RNF24: variants seen among roughly 807,000 people sequenced by gnomAD.
RNF24 encodes ring finger protein 24.
RNF24 carries 14 observed loss-of-function variants against 20.0 expected under a neutral mutation model. The ratio of observed to expected loss-of-function variants is 0.70; its 90% confidence interval spans 0.46 to 1.10. The LOEUF is 1.10. Among genes scored for constraint, RNF24 ranks in the 50% least tolerant of loss-of-function variants. The probability of loss-of-function intolerance (pLI) is 0.00; values close to 1 mark genes in which losing one functional copy is unlikely to be tolerated. For synonymous variants in RNF24, 45 were observed against 61.1 expected (o/e 0.74, Z 1.23); for missense variants, 124 against 177.6 (o/e 0.70, Z 1.71).
chr20:3,997,560 C>G (rs966653901), intron 1 of RNF24, among the ~76,000 whole-genome samples: 1 of 151,812 alleles, frequency 6.6e-6, no homozygotes, highest in Non-Finnish European at 1.5e-5. Flanking sequence ...CAGAGTAGCT[C>G]GAACCACAGA....
intron 1 of RNF24, among the ~76,000 whole-genome samples, chr20:3,984,865 G>T (rs747700031): frequency 6.6e-5 from 10 of 151,718 alleles, no homozygotes; most frequent in Non-Finnish European, 1.3e-4. Context: ...AAACTGACAA[G>T]TAGGTATTTG....
chr20:3,928,243 A>AT lies in RNF24; in HGVS notation c.*5819dup, dbSNP rs988103537. The AT allele has an allele frequency of 1.3e-5, 2 of 152,084 alleles. No individual in the cohort carries two copies. Among genetic ancestry groups the AT allele is most frequent in the African/African-American group, 2.4e-5 (1 of 41,336 alleles). 9.4% of individuals were successfully genotyped at this position (152,084 alleles called of 1,614,324 possible). ...GCCAGAAGAGTGGATGTGATAGAGA[A>AT]TTTTTTCTCAAGTTTTGGGTTAGGG... is the stretch of plus-strand genomic sequence containing the variant. On this transcript the variant is annotated 3_prime_UTR_variant, in exon 6 of 6. Coordinates refer to ENST00000358395, the MANE Select transcript of RNF24 (RefSeq NM_001134337.3).
chr20:4,009,092 G>C (rs1568673684), intron 1 of RNF24, among the ~76,000 whole-genome samples: 1 of 152,204 alleles, frequency 6.6e-6, no homozygotes, highest in African/African-American at 2.4e-5. Flanking sequence ...CTAGGGGACA[G>C]AGTGGTAAAC....
chr20:3,997,398 T>C (rs1167346862), intron 1 of RNF24, among the ~76,000 whole-genome samples: 1 of 152,088 alleles, frequency 6.6e-6, no homozygotes, highest in Non-Finnish European at 1.5e-5. Flanking sequence ...TAACAGATCA[T>C]GGATTCTAAT....
At chr20:3,940,661 A>G (rs1001513681) in intron 4 of RNF24, among the ~76,000 whole-genome samples, 3 of 152,174 alleles carry the variant, frequency 2.0e-5, no homozygotes, top group Non-Finnish European at 2.9e-5. Flanking sequence ...CTAAAGAAAA[A>G]GAAAAAAATC....
At chr20:3,939,711 T>C (rs2090932827) in intron 4 of RNF24, among the ~76,000 whole-genome samples, 1 of 152,216 alleles carries the variant, frequency 6.6e-6, no homozygotes, top group African/African-American at 2.4e-5. Flanking sequence ...AATTTCAGAA[T>C]TCATCTGCTT....
rs548795641 is a variant in RNF24 at position 4,008,370 on chromosome 20, T to TAA, written c.-8+7066_-8+7067insTT. ...ACATGTAATATGTATAATATATATA[T>TAA]TATATATATAATATATATATTATAT... On this transcript the variant is annotated intron_variant, in intron 1 of 5. Transcript: ENST00000358395. Among the ~76,000 whole-genome samples, 113 of 35,258 alleles carry TAA rather than the reference T, an allele frequency of 3.2e-3. 1 individual carries two copies. The highest frequency in any genetic ancestry group is 0.014 in the African/African-American group (108 of 7,632). The allele number at this position is 35,258 out of a possible 152,430, so 23.1% of individuals were successfully genotyped here.
intron 1 of RNF24, among the ~76,000 whole-genome samples, chr20:3,992,349 TG>T (rs1321429973): frequency 1.3e-5 from 2 of 152,214 alleles, no homozygotes; most frequent in Non-Finnish European, 2.9e-5. Flanking sequence ...AATTACAATC[TG>T]GTTGAAACCA....
intron 2 of RNF24, among the ~76,000 whole-genome samples, chr20:3,958,493 T>C (rs2253977): frequency 0.7 from 106,432 of 152,106 alleles, 37,415 homozygotes; most frequent in South Asian, 0.81. Flanking sequence ...GCTACTGAAA[T>C]TTTTCTACCA....
intron 1 of RNF24, among the ~76,000 whole-genome samples, chr20:3,997,756 A>G (rs1981009031): frequency 6.6e-6 from 1 of 152,326 alleles, no homozygotes; most frequent in South Asian, 2.1e-4. Context: ...AAGACTATAG[A>G]TACTTATGAC....
At chr20:3,943,183 T>A (rs182802578) in intron 4 of RNF24, among the ~76,000 whole-genome samples, 44 of 152,222 alleles carry the variant, frequency 2.9e-4, no homozygotes, top group Non-Finnish European at 3.8e-4. Flanking sequence ...ACAACAGAGC[T>A]TCAAATAAAT....
rs187372958 is a variant in RNF24, at chr20:3,931,507, C to T, written c.*2556G>A. The T allele has an allele frequency of 1.3e-5, 2 of 152,186 alleles. No homozygotes were observed. Among genetic ancestry groups the T allele is most frequent in the Non-Finnish European group, 2.9e-5 (2 of 68,050 alleles). 9.4% of individuals were successfully genotyped at this position (152,186 alleles called of 1,614,324 possible). A position where few individuals can be genotyped will look rare whatever the true frequency, so the allele number is the denominator to read the frequency against. ...GTTTGTCTGTACAGCAATGCAGATG[C>T]GCAGGCCCATCCTGGTGGAGGACCC... On this transcript the variant is annotated 3_prime_UTR_variant, in exon 6 of 6. Transcript: ENST00000358395.
intron 1 of RNF24, chr20:3,974,370 A>G (rs991745100): frequency 7.7e-6 from 12 of 1,550,044 alleles, no homozygotes; most frequent in African/African-American, 1.4e-5. Flanking sequence ...ATCTGCTCTC[A>G]CCACTCTTAT....
chr20:3,948,169 G>C, intron 3 of RNF24, 68 bp downstream of exon 3: 1 of 1,143,402 alleles, frequency 8.7e-7, no homozygotes, highest in African/African-American at 1.6e-5. Flanking sequence ...CGTATGAGTG[G>C]AAATCAGAGT....
chr20:3,957,243 A>C (rs995725806), intron 2 of RNF24, among the ~76,000 whole-genome samples: 4 of 152,084 alleles, frequency 2.6e-5, no homozygotes, highest in African/African-American at 9.7e-5. Flanking sequence ...GGTTGCAGTG[A>C]GCTGAGATCA....
chr20:3,990,250 C>CA (rs985466865), intron 1 of RNF24, among the ~76,000 whole-genome samples: 3 of 151,690 alleles, frequency 2.0e-5, no homozygotes, highest in African/African-American at 7.3e-5. Flanking sequence ...GAAACACCCC[C>CA]AAAAAAAATC....
At chr20:3,976,055 G>A (rs1340001435) in intron 1 of RNF24, among the ~76,000 whole-genome samples, 2 of 152,062 alleles carry the variant, frequency 1.3e-5, no homozygotes, top group African/African-American at 2.4e-5. Flanking sequence ...CCAAAGTGTT[G>A]GGATTACATG....
At chr20:3,939,646 G>A (rs756387561) in intron 4 of RNF24, among the ~76,000 whole-genome samples, 16 of 152,292 alleles carry the variant, frequency 1.1e-4, no homozygotes, top group Middle Eastern at 3.4e-3. Context: ...CTCTAACTCT[G>A]TTCTTCTTTT....
intron 1 of RNF24, among the ~76,000 whole-genome samples, chr20:3,995,193 A>T (rs1316646215): frequency 2.0e-5 from 3 of 152,204 alleles, no homozygotes; most frequent in Non-Finnish European, 4.4e-5. Flanking sequence ...AGTTACCCAC[A>T]TCCACCTCTG....
Sources: allele counts gnomAD v4.1 joint callset (sites outside exome capture counted in the v4.1 genomes callset), GRCh38; gene constraint gnomAD v4.1.1; transcripts MANE v1.5; gene names NCBI Gene and HGNC (gene_info 2026-07-23, HGNC 2026-07-21).